Variants in TMPRSS6 observed in about 807,000 individuals in gnomAD.
TMPRSS6 encodes transmembrane serine protease 6.
Under a neutral mutation model 101.5 loss-of-function variants are expected in TMPRSS6, and 67 were observed. That is an observed-to-expected ratio of 0.66 (90% CI 0.54 to 0.81). The LOEUF is 0.81. Among genes scored for constraint, TMPRSS6 ranks in the 30% least tolerant of loss-of-function variants. The probability of loss-of-function intolerance (pLI) is 0.00; values close to 1 mark genes in which losing one functional copy is unlikely to be tolerated. For synonymous variants in TMPRSS6, 453 were observed against 464.9 expected, an observed-to-expected ratio of 0.97 and a Z score of 0.33; for missense variants, 1,034 against 1,088.7, an observed-to-expected ratio of 0.95 and a Z score of 0.71.
chr22:37,098,751 G>C, intron 2 of TMPRSS6, among the ~76,000 whole-genome samples: 1 of 152,156 alleles, frequency 6.6e-6, no homozygotes, highest in African/African-American at 2.4e-5. Context: ...TGACAAACTG[G>C]CTGCAAGGTA....
At chr22:37,067,303 T>G (rs748814620) in intron 16 of TMPRSS6, among the ~76,000 whole-genome samples, 1 of 152,102 alleles carries the variant, frequency 6.6e-6, no homozygotes, top group Non-Finnish European at 1.5e-5. Context: ...AAACCCTGTC[T>G]GTACTAAAAA....
rs894338433 is a variant in TMPRSS6 at position 37,094,748 on chromosome 22, A to G, written c.631+803T>C. Reference sequence around the variant, plus strand: ...ACAAAGAAGCAAGCATTTGACCAGCAGGATGGGAAGACGGGAAGGTAAGGA... The same window carrying G: ...ACAAAGAAGCAAGCATTTGACCAGCGGGATGGGAAGACGGGAAGGTAAGGA... On this transcript the variant is annotated intron_variant, in intron 6 of 17. Transcript: ENST00000676104. Among the ~76,000 whole-genome samples, 9 of 152,248 alleles carry G rather than the reference A, an allele frequency of 5.9e-5. No homozygotes were observed. The South Asian group carries it at 1.7e-3, about 28-fold the overall frequency.
At chr22:37,072,853 T>TAGAC (rs1175081925) in intron 13 of TMPRSS6, among the ~76,000 whole-genome samples, 128 of 139,678 alleles carry the variant, frequency 9.2e-4, no homozygotes, top group African/African-American at 3.2e-3. Context: ...GATGGATGGA[T>TAGAC]GGATGATGGA....
intron 8 of TMPRSS6, among the ~76,000 whole-genome samples, chr22:37,085,665 T>C (rs1359103360): frequency 1.3e-5 from 2 of 150,540 alleles, no homozygotes; most frequent in African/African-American, 4.9e-5. Context: ...GTGCCCTTCC[T>C]GGGAAGGGGG....
At chr22:37,086,569 G>A (rs1928803711) in intron 7 of TMPRSS6, 150 bp from the exon 8 acceptor site, 2 of 827,116 alleles carry the variant, frequency 2.4e-6, no homozygotes, top group Non-Finnish European at 3.9e-6. Context: ...CTGTGTGTCT[G>A]TGGGGAGAAT....
At chr22:37,097,776 GGCAGGAGTGGGCCACCGTCCTGTAAC>G (rs1929916561) in intron 3 of TMPRSS6, among the ~76,000 whole-genome samples, 1 of 118,388 alleles carries the variant, frequency 8.4e-6, no homozygotes, top group African/African-American at 3.6e-5. Flanking sequence ...GTAACGGAGG[GGCAGGAGTGGGCCACCGTCCTGTAAC>G]GGAGGGGCAG....
intron 5 of TMPRSS6, 116 bp downstream of exon 5, chr22:37,095,789 TG>T (rs1204774449): frequency 2.8e-6 from 4 of 1,408,364 alleles, no homozygotes; most frequent in East Asian, 2.4e-5. Context: ...GGGGCTCTCC[TG>T]GGGGGCCCAC....
chr22:37,089,729 G>T lies in TMPRSS6; in HGVS notation c.685C>A (p.Pro229Thr), dbSNP rs774533858. The change falls in exon 7 of 18, where the codon CCT becomes ACT. Residue 229 changes from proline (P) to threonine (T), a missense_variant. Coordinates refer to ENST00000676104, the MANE Select transcript of TMPRSS6 (RefSeq NM_001374504.1). Reference protein sequence around the residue: ...GQGQVLRLKGPDHLASSCLWH... With the variant: ...GQGQVLRLKGTDHLASSCLWH... ...AGGCAGCTGGAGGCCAGGTGGTCAG[G>T]CCCCTTCAGCCGGAGGACCTGGCCC... 4.3e-6 allele frequency: 7 copies of T among 1,612,318 alleles called. No homozygotes were observed. The highest frequency in any genetic ancestry group is 1.3e-5 in the African/African-American group (1 of 74,928).
intron 10 of TMPRSS6, among the ~76,000 whole-genome samples, chr22:37,080,824 A>G (rs1176626530): frequency 6.6e-6 from 1 of 152,258 alleles, no homozygotes; most frequent in Non-Finnish European, 1.5e-5. Flanking sequence ...CCCAGATGCC[A>G]GTGGGTTGGC....
chr22:37,100,623 T>C (rs897868352), intron 2 of TMPRSS6, among the ~76,000 whole-genome samples: 1 of 152,210 alleles, frequency 6.6e-6, no homozygotes, highest in Non-Finnish European at 1.5e-5. Flanking sequence ...GGGGAAATTA[T>C]GCAGAGACCT....
At chr22:37,092,643 TGG>T (rs1929372129) in intron 6 of TMPRSS6, among the ~76,000 whole-genome samples, 1 of 152,230 alleles carries the variant, frequency 6.6e-6, no homozygotes, top group Non-Finnish European at 1.5e-5. Flanking sequence ...ATTACAGGCA[TGG>T]GCCACCATGA....
In TMPRSS6 at chr22:37,075,235, G is replaced by A. The variant is rs1260631981; in HGVS notation, c.1242C>T (p.Pro414=). Reference sequence around the variant, plus strand: ...TGGTGATCCCGGCCGTGGCCACCACGGGGATCCTCTCGGCGTAGGGCTGCA... The same window carrying A: ...TGGTGATCCCGGCCGTGGCCACCACAGGGATCCTCTCGGCGTAGGGCTGCA... ...RILQPYAERI[P]VVATAGITIN... The change falls in exon 11 of 18, where the codon CCC becomes CCT. Residue 414 remains proline, a synonymous_variant. Coordinates refer to ENST00000676104, the MANE Select transcript of TMPRSS6 (RefSeq NM_001374504.1). 7 of 1,613,704 alleles carry A rather than the reference G, an allele frequency of 4.3e-6. No individual in the cohort carries two copies. Among genetic ancestry groups the A allele is most frequent in the African/African-American group, 1.3e-5 (1 of 74,930 alleles).
At chr22:37,108,567 G>A (rs562517264) in intron 1 of TMPRSS6, among the ~76,000 whole-genome samples, 1 of 152,330 alleles carries the variant, frequency 6.6e-6, no homozygotes, top group South Asian at 2.1e-4. Context: ...GCCTGCTGGA[G>A]GCTGAGCTCC....
At chr22:37,095,630 A>AAAAAAAAAAAAAAAAAAAAAAAAAAAC in intron 5 of TMPRSS6, 38 bp from the exon 6 acceptor site, 1 of 274,666 alleles carries the variant, frequency 3.6e-6, no homozygotes, top group Non-Finnish European at 5.7e-6. Flanking sequence ...AAACAAGAAC[A>AAAAAAAAAAAAAAAAAAAAAAAAAAAC]AAAAAAAAAA....
chr22:37,097,910 GA>G (rs1298164730), intron 3 of TMPRSS6, among the ~76,000 whole-genome samples: 2 of 65,686 alleles, frequency 3.0e-5, no homozygotes, highest in African/African-American at 1.3e-4. Flanking sequence ...AGGGGGAGGA[GA>G]GGGCCACCGT....
In TMPRSS6 at chr22:37,074,613, A is replaced by G; in HGVS notation, c.1438T>C (p.Cys480Arg). Residue 480 changes from cysteine to arginine, a missense_variant, in exon 12 of 18, where the codon TGC (cysteine) becomes CGC (arginine). Physicochemically the swap from Cys to Arg is radical, Grantham distance 180. Transcript: ENST00000676104. ...DCPNGLDERN[C>R]VCRATFQCKE... is the part of the protein sequence containing the mutation. ...GATGCGCGGGCGGGTTACTCACCGC[A>G]GTTTCTCTCATCCAGGCCGTTGGGG... is the stretch of plus-strand genomic sequence containing the variant. 1 of 1,614,142 alleles carries G rather than the reference A, an allele frequency of 6.2e-7. No homozygotes were observed. The highest frequency in any genetic ancestry group is 1.1e-5 in the South Asian group (1 of 91,084).
intron 10 of TMPRSS6, among the ~76,000 whole-genome samples, chr22:37,082,300 C>G (rs1246082556): frequency 1.3e-5 from 2 of 152,204 alleles, no homozygotes; most frequent in East Asian, 3.9e-4. Flanking sequence ...CCGAACCCCC[C>G]ACAACCCCTG....
chr22:37,070,336 C>A, intron 15 of TMPRSS6, 148 bp downstream of exon 15: 1 of 1,039,374 alleles, frequency 9.6e-7, no homozygotes, highest in Non-Finnish European at 1.5e-6. Context: ...CTGGTGGAGC[C>A]AGGACTAGAA....
intron 12 of TMPRSS6, among the ~76,000 whole-genome samples, chr22:37,074,229 C>A (rs192159788): frequency 6.6e-6 from 1 of 152,242 alleles, no homozygotes; most frequent in South Asian, 2.1e-4. Flanking sequence ...ATCATCCCCC[C>A]ACCATGAACA....
Sources: gnomAD v4.1 joint callset for allele counts (sites outside exome capture counted in the v4.1 genomes callset) on GRCh38, gnomAD v4.1.1 for gene constraint, MANE v1.5 for transcripts, NCBI Gene and HGNC (gene_info 2026-07-23, HGNC 2026-07-21) for gene names.